GID4: variants seen among roughly 807,000 people sequenced by gnomAD.
GID4 encodes the protein glucose-induced degradation protein 4 homolog.
Under a neutral mutation model 32.4 loss-of-function variants are expected in GID4, and 7 were observed. The ratio of observed to expected loss-of-function variants is 0.22; its 90% CI spans 0.12 to 0.41. The LOEUF is 0.41. Ranked by LOEUF, GID4 falls within the 10% of genes least tolerant of loss-of-function variation. The probability of loss-of-function intolerance (pLI) is 1.00; values close to 1 mark genes in which losing one functional copy is unlikely to be tolerated. For missense variants in GID4, 309 were observed against 400.0 expected (o/e 0.77, Z 1.94); for synonymous variants, 166 against 170.0 (o/e 0.98, Z 0.18).
At chr17:18,047,703 T>C (rs2044868052) in intron 2 of GID4, among the ~76,000 whole-genome samples, 1 of 152,198 alleles carries the variant, frequency 6.6e-6, no homozygotes. Context: ...GGTCCAGCAA[T>C]AAATAGACCA....
chr17:18,052,927 C>G (rs567080509), intron 2 of GID4, among the ~76,000 whole-genome samples: 38 of 150,460 alleles, frequency 2.5e-4, no homozygotes, highest in Non-Finnish European at 4.1e-4. Flanking sequence ...TCAAGGTATT[C>G]TAAGACTACC....
At chr17:18,063,227 T>C (rs1458613250) in intron 5 of GID4, among the ~76,000 whole-genome samples, 3 of 151,432 alleles carry the variant, frequency 2.0e-5, no homozygotes, top group Non-Finnish European at 4.4e-5. Context: ...CTGGCCAATA[T>C]GGTGAAACCC....
chr17:18,040,090 C>T (rs1352023965), intron 1 of GID4, among the ~76,000 whole-genome samples, 188 bp downstream of exon 1: 1 of 152,122 alleles, frequency 6.6e-6, no homozygotes. Context: ...CCCTGACCTG[C>T]CCCTTCGGAC....
chr17:18,054,055 T>C lies in GID4; in HGVS notation c.499-72T>C, dbSNP rs2044940600. The C allele has an allele frequency of 7.3e-6, 6 of 822,864 alleles. 1 individual carries two copies. The highest frequency in any genetic ancestry group is 1.7e-5 in the African/African-American group (1 of 58,296). 51.0% of individuals were successfully genotyped at this position (822,864 alleles called of 1,614,324 possible). A position where few individuals can be genotyped will look rare whatever the true frequency, so the allele number is the denominator to read the frequency against. On this transcript the variant is annotated intron_variant, in intron 2 of 5. Transcript: ENST00000268719. Reference sequence around the variant, plus strand: ...ACTGGAAAGAAGTTAAAGCAAAGTTTATTTTTCCTTTGTACAAAGGTTAAA... The same window carrying C: ...ACTGGAAAGAAGTTAAAGCAAAGTTCATTTTTCCTTTGTACAAAGGTTAAA...
rs2045083829 is a variant in GID4, at chr17:18,068,065, T to C, written c.*2822T>C. On this transcript the variant is annotated 3_prime_UTR_variant, in exon 6 of 6. Transcript: ENST00000268719. ...AGCAAAGGGGTTTTTCAATGTCTTT[T>C]GCTTTCAGAAACAGAGAATATAATA... The C allele has an allele frequency of 6.5e-6, 1 of 152,676 alleles. No individual in the cohort carries two copies. Among genetic ancestry groups the C allele is most frequent in the South Asian group, 2.1e-4 (1 of 4,832 alleles). The allele number at this position is 152,676 out of a possible 1,614,324, so 9.5% of individuals were successfully genotyped here. A position where few individuals can be genotyped will look rare whatever the true frequency, so the allele number is the denominator to read the frequency against.
intron 5 of GID4, 99 bp downstream of exon 5, chr17:18,062,074 T>G: frequency 2.6e-6 from 3 of 1,162,874 alleles, no homozygotes; most frequent in Non-Finnish European, 3.8e-6. Flanking sequence ...AGCCTGTCTC[T>G]GTATAGATTC....
chr17:18,043,712 A>G (rs1428035720), intron 1 of GID4, among the ~76,000 whole-genome samples: 1 of 152,232 alleles, frequency 6.6e-6, no homozygotes, highest in Non-Finnish European at 1.5e-5. Flanking sequence ...GTTTTTAAGC[A>G]TGGCTTAGTA....
In GID4 at chr17:18,065,401, G is replaced by A; in HGVS notation, c.*158G>A. 1.5e-6 allele frequency: 1 copy of A among 658,358 alleles called. No homozygotes were observed. The highest frequency in any genetic ancestry group is 2.8e-5 in the East Asian group (1 of 36,276). The allele number at this position is 658,358 out of a possible 1,614,324, so 40.8% of individuals were successfully genotyped here. ...TGAATGTTAACCCACAGAATCCAAG[G>A]AGCATGGCTGGCCCGTGGGGCAGGT... On this transcript the variant is annotated 3_prime_UTR_variant, in exon 6 of 6. Coordinates refer to ENST00000268719, the MANE Select transcript of GID4 (RefSeq NM_024052.5).
In GID4 at chr17:18,039,651, T is replaced by A; in HGVS notation, c.187T>A (p.Ser63Thr). Residue 63 changes from serine to threonine, a missense_variant, in exon 1 of 6, where the codon TCC becomes ACC. Around this residue, in one of 2 missense-constraint regions of GID4, gnomAD observed 193 missense variants for 185.8 expected, o/e 1.04. Transcript: ENST00000268719. This position sits in a 1 kb window ranked among gnomAD's most constrained non-coding sequence, Gnocchi z 5.3. ...CTCCCTCCCCGCCACCCTCCTCGGC[T>A]CCCGCGCGGCGGCGGCGGTTCCTCT... ...GLSLPATLLG[S>T]RAAAAVPLPL... 1.7e-6 allele frequency: 2 copies of A among 1,169,824 alleles called. No individual in the cohort carries two copies. The highest frequency in any genetic ancestry group is 2.1e-6 in the Non-Finnish European group (2 of 946,314). 72.5% of individuals were successfully genotyped at this position (1,169,824 alleles called of 1,614,324 possible). A position where few individuals can be genotyped will look rare whatever the true frequency, so the allele number is the denominator to read the frequency against.
At chr17:18,040,814 T>A (rs941384161) in intron 1 of GID4, among the ~76,000 whole-genome samples, 1 of 152,174 alleles carries the variant, frequency 6.6e-6, no homozygotes, top group African/African-American at 2.4e-5. Flanking sequence ...CTGGTACCCA[T>A]GTACTGGGAA....
chr17:18,050,026 GCT>G lies in GID4; in HGVS notation c.499-4098_499-4097del, dbSNP rs2044895114. Among the ~76,000 whole-genome samples the G allele has an allele frequency of 2.6e-5, 4 of 152,304 alleles. No individual in the cohort carries two copies. The South Asian group carries it at 8.3e-4, about 32-fold the overall frequency. On this transcript the variant is annotated intron_variant, in intron 2 of 5. Transcript: ENST00000268719. Reference sequence around the variant, plus strand: ...AGTTTGCTAAGGATAACGGCCTCTAGCTCTACCCGTGTTCACGCAAAAGACAT... The same window carrying G: ...AGTTTGCTAAGGATAACGGCCTCTAGCTACCCGTGTTCACGCAAAAGACAT...
chr17:18,054,515 C>A (rs191149926), intron 3 of GID4, among the ~76,000 whole-genome samples: 3 of 152,302 alleles, frequency 2.0e-5, no homozygotes, highest in Middle Eastern at 3.4e-3. Flanking sequence ...AGTGTCCCCC[C>A]ATCCTTCCCA....
At chr17:18,059,943 G>A (rs146618060) in intron 4 of GID4, among the ~76,000 whole-genome samples, 13 of 151,718 alleles carry the variant, frequency 8.6e-5, no homozygotes, top group Admixed American at 2.0e-4. Context: ...AAAATTAGCC[G>A]GGCATGTTGG....
chr17:18,051,439 G>A (rs2044908336), intron 2 of GID4, among the ~76,000 whole-genome samples: 1 of 152,222 alleles, frequency 6.6e-6, no homozygotes, highest in African/African-American at 2.4e-5. Flanking sequence ...AGCACTTTGG[G>A]AGGCCGAGGC....
At chr17:18,051,999 G>A (rs530431976) in intron 2 of GID4, among the ~76,000 whole-genome samples, 68 of 151,630 alleles carry the variant, frequency 4.5e-4, no homozygotes, top group Non-Finnish European at 9.7e-4. Context: ...ACCTGAACCC[G>A]GGAGGCAGAG....
intron 2 of GID4, among the ~76,000 whole-genome samples, chr17:18,052,747 G>A (rs980452347): frequency 1.3e-5 from 2 of 152,188 alleles, no homozygotes; most frequent in African/African-American, 4.8e-5. Flanking sequence ...AATTAACAAA[G>A]CACCCAAGCC....
chr17:18,045,228 C>T (rs372841536), intron 2 of GID4, 22 bp downstream of exon 2: 1 of 1,602,128 alleles, frequency 6.2e-7, no homozygotes, highest in Non-Finnish European at 8.6e-7. Context: ...CTCACACAAA[C>T]CAGCACTAGA....
At chr17:18,048,321 G>A (rs902242646) in intron 2 of GID4, among the ~76,000 whole-genome samples, 2 of 151,986 alleles carry the variant, frequency 1.3e-5, no homozygotes. Context: ...TCAGCCTCCC[G>A]AGTAGCTGGG....
chr17:18,040,627 C>T (rs1227758366), intron 1 of GID4, among the ~76,000 whole-genome samples: 2 of 152,180 alleles, frequency 1.3e-5, no homozygotes, highest in African/African-American at 2.4e-5. Context: ...TCCAGCTTCT[C>T]CACCCCCAGG....
Sources: allele counts gnomAD v4.1 joint callset (sites outside exome capture counted in the v4.1 genomes callset), GRCh38; gene constraint gnomAD v4.1.1; regional missense constraint gnomAD v4.1.1; non-coding constraint Gnocchi (gnomAD v3.1); transcripts MANE v1.5; gene names NCBI Gene and HGNC (gene_info 2026-07-23, HGNC 2026-07-21).